The following FOXN3 variants were observed in gnomAD, a reference collection of about 807,000 sequenced individuals.
FOXN3 encodes the protein forkhead box N3, also known as forkhead box protein N3.
A neutral mutation model predicts 38.4 loss-of-function variants in FOXN3; 7 were observed. The observed-to-expected ratio is 0.18, with a 90% CI of 0.10 to 0.34. The LOEUF (loss-of-function observed/expected upper bound fraction) is 0.34. Among genes scored for constraint, FOXN3 ranks in the 10% least tolerant of loss-of-function variants. The pLI, the probability that FOXN3 is intolerant of heterozygous loss-of-function variation, is 1.00. For missense variants in FOXN3, 456 were observed against 613.4 expected (o/e 0.74, Z 2.71); for synonymous variants, 230 against 242.2 (o/e 0.95, Z 0.47).
chr14:89,531,469 C>T (rs1057339988), intron 1 of FOXN3, among the ~76,000 whole-genome samples: 7 of 152,144 alleles, frequency 4.6e-5, no homozygotes, highest in African/African-American at 1.7e-4. Context: ...CTCAGTTTGC[C>T]AGAATGTTCT....
intron 2 of FOXN3, among the ~76,000 whole-genome samples, chr14:89,359,486 G>A (rs1350363550): frequency 1.3e-5 from 2 of 152,174 alleles, no homozygotes; most frequent in East Asian, 3.8e-4. Context: ...GTTTTCCATA[G>A]TCTGATGTTA....
rs1887089334 is a variant in FOXN3 at position 89,161,175 on chromosome 14, C to G, written c.*1239G>C. On this transcript the variant is annotated 3_prime_UTR_variant, in exon 6 of 6. Transcript: ENST00000557258. ...TCAAAGGAATCCATGCATTGTGGAT[C>G]AGAAATTTCTGCTGGCTATACTGGC... is the stretch of plus-strand genomic sequence containing the variant. The G allele has an allele frequency of 6.6e-6, 1 of 152,302 alleles. No individual in the cohort carries two copies. The highest frequency in any genetic ancestry group is 1.5e-5 in the Non-Finnish European group (1 of 67,992). The allele number at this position is 152,302 out of a possible 1,614,324, so 9.4% of individuals were successfully genotyped here.
At chr14:89,491,820 T>C (rs192466232) in intron 1 of FOXN3, among the ~76,000 whole-genome samples, 498 of 152,354 alleles carry the variant, frequency 3.3e-3, no homozygotes, top group African/African-American at 0.011. Context: ...TCTAAATCAA[T>C]TTCCTGGCCC....
At chr14:89,327,118 T>C (rs1023290025) in intron 3 of FOXN3, among the ~76,000 whole-genome samples, 1 of 152,160 alleles carries the variant, frequency 6.6e-6, no homozygotes, top group Non-Finnish European at 1.5e-5. Context: ...GAGGCCATAA[T>C]TGCCAAGTAT....
At chr14:89,178,669 CA>C (rs1887587989) in intron 5 of FOXN3, among the ~76,000 whole-genome samples, 1 of 152,160 alleles carries the variant, frequency 6.6e-6, no homozygotes, top group African/African-American at 2.4e-5. Context: ...AGAAAGAAAC[CA>C]TCGGTAGTTG....
intron 1 of FOXN3, among the ~76,000 whole-genome samples, chr14:89,597,217 T>C (rs1324152607): frequency 6.6e-6 from 1 of 152,230 alleles, no homozygotes; most frequent in Non-Finnish European, 1.5e-5. Flanking sequence ...ATTTATTCTT[T>C]GACTTGTGAT....
At chr14:89,261,537 T>A (rs12433589) in intron 4 of FOXN3, among the ~76,000 whole-genome samples, 41,836 of 152,094 alleles carry the variant, frequency 0.28, 6,807 homozygotes, top group South Asian at 0.41. Context: ...CTCACGCCTG[T>A]AATCCCAGCA....
At chr14:89,177,159 T>C (rs558355015) in intron 5 of FOXN3, among the ~76,000 whole-genome samples, 2 of 152,086 alleles carry the variant, frequency 1.3e-5, no homozygotes, top group East Asian at 3.9e-4. Context: ...TGCAGGCACA[T>C]ACCATCACAC....
rs1483358851 is a variant in FOXN3, at chr14:89,412,903, A to G, written c.-14-413T>C. On this transcript the variant is annotated intron_variant, in intron 1 of 5. Transcript: ENST00000557258. This position sits in a 1 kb window ranked among gnomAD's most constrained non-coding sequence, Gnocchi z 4.7. ...GAACAGAAGAAAAGCAAGTAACTTC[A>G]GGTACCACACAGAATACATGGGAAT... is the stretch of plus-strand genomic sequence containing the variant. 6.6e-6 allele frequency among the ~76,000 whole-genome samples: 1 copy of G among 152,222 alleles called. No homozygotes were observed. Among genetic ancestry groups the G allele is most frequent in the Non-Finnish European group, 1.5e-5 (1 of 68,048 alleles).
At chr14:89,470,937 C>T (rs908494803) in intron 1 of FOXN3, among the ~76,000 whole-genome samples, 1 of 152,112 alleles carries the variant, frequency 6.6e-6, no homozygotes, top group Non-Finnish European at 1.5e-5. Flanking sequence ...GGGCTTGGTC[C>T]TTGCAAGGAG....
chr14:89,274,271 C>T (rs565381821), intron 4 of FOXN3, among the ~76,000 whole-genome samples: 1 of 152,058 alleles, frequency 6.6e-6, no homozygotes, highest in East Asian at 1.9e-4. Context: ...GACAGTGACA[C>T]TGAAAATGGA....
At chr14:89,312,767 G>C (rs1223139884) in intron 3 of FOXN3, among the ~76,000 whole-genome samples, 1 of 152,116 alleles carries the variant, frequency 6.6e-6, no homozygotes, top group African/African-American at 2.4e-5. Flanking sequence ...TGGACTGTTA[G>C]AACTGCATTT....
chr14:89,386,036 G>A (rs927036954), intron 2 of FOXN3, among the ~76,000 whole-genome samples: 1 of 152,150 alleles, frequency 6.6e-6, no homozygotes, highest in Non-Finnish European at 1.5e-5. Flanking sequence ...CTGAAAACTT[G>A]ATCTCTCTTT....
At chr14:89,295,780 T>G (rs1566949501) in intron 3 of FOXN3, among the ~76,000 whole-genome samples, 2 of 148,746 alleles carry the variant, frequency 1.3e-5, no homozygotes, top group South Asian at 2.1e-4. Context: ...TTTTTTTTTT[T>G]GTAGAGACTG....
chr14:89,563,871 A>C (rs79460473), intron 1 of FOXN3, among the ~76,000 whole-genome samples: 7,803 of 152,062 alleles, frequency 0.051, 666 homozygotes, highest in African/African-American at 0.18. Context: ...TTTTTTTGAG[A>C]CAGAGTTTCA....
intron 5 of FOXN3, among the ~76,000 whole-genome samples, chr14:89,173,988 G>T (rs1187235138): frequency 6.6e-6 from 1 of 152,012 alleles, no homozygotes; most frequent in Non-Finnish European, 1.5e-5. Context: ...GCGAGACCCT[G>T]TCTCAAATAA....
chr14:89,288,987 G>A (rs1886769387), intron 3 of FOXN3, among the ~76,000 whole-genome samples: 1 of 151,268 alleles, frequency 6.6e-6, no homozygotes, highest in Admixed American at 6.6e-5. Context: ...TTCGAGACCA[G>A]CCTGACCAAC....
chr14:89,605,906 G>A (rs1056332270), intron 1 of FOXN3, among the ~76,000 whole-genome samples: 1 of 152,036 alleles, frequency 6.6e-6, no homozygotes, highest in African/African-American at 2.4e-5. Context: ...CTTGAGCCCA[G>A]GAGTTCAAGA....
intron 4 of FOXN3, among the ~76,000 whole-genome samples, chr14:89,227,384 T>C (rs1884673101): frequency 6.6e-6 from 1 of 152,228 alleles, no homozygotes; most frequent in Non-Finnish European, 1.5e-5. Flanking sequence ...TTTGCTCTCA[T>C]TTAATTCTTC....
Sources: gnomAD v4.1 joint callset for allele counts (sites outside exome capture counted in the v4.1 genomes callset) on GRCh38, gnomAD v4.1.1 for gene constraint, Gnocchi (gnomAD v3.1) non-coding constraint, MANE v1.5 for transcripts, NCBI Gene and HGNC (gene_info 2026-07-23, HGNC 2026-07-21) for gene names.